The following CADPS variants were observed in gnomAD, a reference collection of about 807,000 sequenced individuals.
CADPS encodes calcium dependent secretion activator, also known as calcium-dependent secretion activator 1.
In CADPS, 57 loss-of-function variants were observed where a neutral mutation model predicts 167.3. The ratio of observed to expected loss-of-function variants is 0.34; its 90% CI spans 0.28 to 0.42. The LOEUF is 0.42. CADPS is among the 20% of genes least tolerant of loss of function. The probability of loss-of-function intolerance (pLI) is 1.00; values close to 1 mark genes in which losing one functional copy is unlikely to be tolerated. For missense variants in CADPS, 1,414 were observed against 1,738.1 expected (o/e 0.81, Z 3.32); for synonymous variants, 676 against 635.3 (o/e 1.06, Z -0.96).
chr3:62,733,541 C>A (rs487825), intron 3 of CADPS, among the ~76,000 whole-genome samples: 61,117 of 151,934 alleles, frequency 0.4, 12,779 homozygotes, highest in African/African-American at 0.49. Context: ...TACATTCAAA[C>A]TTCAAATTTA....
At chr3:62,618,763 T>A (rs2062723951) in intron 6 of CADPS, among the ~76,000 whole-genome samples, 1 of 152,204 alleles carries the variant, frequency 6.6e-6, no homozygotes. Context: ...CTCTCTTGAG[T>A]TCCATTCCTT....
intron 17 of CADPS, among the ~76,000 whole-genome samples, chr3:62,511,084 T>C (rs1425758003): frequency 6.6e-6 from 1 of 152,072 alleles, no homozygotes; most frequent in Non-Finnish European, 1.5e-5. Flanking sequence ...TAAACAGCCT[T>C]CAATGACTCT....
chr3:62,647,626 G>A (rs2068884869), intron 5 of CADPS, among the ~76,000 whole-genome samples: 1 of 152,212 alleles, frequency 6.6e-6, no homozygotes, highest in African/African-American at 2.4e-5. Context: ...CGTGGCTGTT[G>A]TGTGAGGATC....
intron 28 of CADPS, among the ~76,000 whole-genome samples, chr3:62,425,607 C>T (rs918141395): frequency 1.3e-5 from 2 of 152,146 alleles, no homozygotes; most frequent in African/African-American, 4.8e-5. Flanking sequence ...GACAAAATTA[C>T]ACGCATATAA....
intron 1 of CADPS, among the ~76,000 whole-genome samples, chr3:62,805,236 T>A (rs1017898825): frequency 2.6e-5 from 4 of 152,210 alleles, no homozygotes; most frequent in Non-Finnish European, 5.9e-5. Context: ...CTCACTGTTA[T>A]TGAGAATTCA....
chr3:62,549,533 T>C (rs1411153776), intron 11 of CADPS, among the ~76,000 whole-genome samples: 1 of 148,858 alleles, frequency 6.7e-6, no homozygotes, highest in African/African-American at 2.5e-5. Context: ...TGATTTCAAA[T>C]CAACCCTATT....
At chr3:62,669,272 C>G (rs2075081832) in intron 3 of CADPS, among the ~76,000 whole-genome samples, 1 of 152,210 alleles carries the variant, frequency 6.6e-6, no homozygotes, top group Non-Finnish European at 1.5e-5. Flanking sequence ...CCATAAAGCA[C>G]TCCCATCAGC....
At chr3:62,731,647 A>T (rs1034880188) in intron 3 of CADPS, among the ~76,000 whole-genome samples, 1 of 151,970 alleles carries the variant, frequency 6.6e-6, no homozygotes. Context: ...TAATTTTACA[A>T]AGCAAATAAA....
intron 10 of CADPS, among the ~76,000 whole-genome samples, chr3:62,554,313 C>CCAA (rs1017635987): frequency 6.6e-6 from 1 of 152,056 alleles, no homozygotes; most frequent in Non-Finnish European, 1.5e-5. Context: ...CGTCAAGGAC[C>CCAA]CAAACAGGTA....
At chr3:62,568,669 T>C (rs2080744098) in intron 9 of CADPS, among the ~76,000 whole-genome samples, 1 of 152,174 alleles carries the variant, frequency 6.6e-6, no homozygotes, top group South Asian at 2.1e-4. Flanking sequence ...AGACAGCCTA[T>C]TGTGTGGCTT....
At chr3:62,574,679 C>G (rs1052379573) in intron 8 of CADPS, among the ~76,000 whole-genome samples, 3 of 152,202 alleles carry the variant, frequency 2.0e-5, no homozygotes, top group Non-Finnish European at 4.4e-5. Flanking sequence ...AGAGTATAAT[C>G]TTCCAGTTCC....
At chr3:62,839,893 G>A (rs1268992550) in intron 1 of CADPS, among the ~76,000 whole-genome samples, 1 of 152,146 alleles carries the variant, frequency 6.6e-6, no homozygotes. Flanking sequence ...AAATAGAATT[G>A]CTGAGATCTC....
intron 3 of CADPS, among the ~76,000 whole-genome samples, chr3:62,678,062 G>C (rs2076596697): frequency 1.3e-5 from 2 of 152,046 alleles, no homozygotes; most frequent in Admixed American, 1.3e-4. Context: ...AGCTGCAATA[G>C]AGTGACTGGA....
chr3:62,497,482 G>A (rs1422192150), intron 18 of CADPS, among the ~76,000 whole-genome samples: 3 of 152,230 alleles, frequency 2.0e-5, no homozygotes, highest in South Asian at 2.1e-4. Context: ...TACCATCGCC[G>A]GAACCCCAGA....
chr3:62,746,061 A>T (rs2081377349), intron 3 of CADPS, among the ~76,000 whole-genome samples: 1 of 152,204 alleles, frequency 6.6e-6, no homozygotes, highest in Non-Finnish European at 1.5e-5. Context: ...GGTTACATTT[A>T]AAATGATACC....
chr3:62,842,855 T>C (rs553150914), intron 1 of CADPS, among the ~76,000 whole-genome samples: 3 of 152,340 alleles, frequency 2.0e-5, no homozygotes, highest in Admixed American at 6.5e-5. Context: ...TTTCATGATA[T>C]ATATGATTAA....
At chr3:62,780,518 G>C (rs1443743937) in intron 1 of CADPS, among the ~76,000 whole-genome samples, 1 of 152,142 alleles carries the variant, frequency 6.6e-6, no homozygotes, top group South Asian at 2.1e-4. Flanking sequence ...TGGAGAATGA[G>C]GTCCTCTCAT....
intron 1 of CADPS, among the ~76,000 whole-genome samples, chr3:62,786,130 T>C (rs147368885): frequency 0.07 from 10,580 of 152,058 alleles, 588 homozygotes; most frequent in East Asian, 0.23. Context: ...CAAGAATCGC[T>C]TGAACGTGGG....
At position 62,488,753 on chromosome 3, in the gene CADPS, G is replaced by A. The variant is rs558480996; in HGVS notation, c.3026+2586C>T. Among the ~76,000 whole-genome samples, 464 of 152,184 alleles carry A rather than the reference G, an allele frequency of 3.0e-3. 4 individuals are homozygous for A. The highest frequency in any genetic ancestry group is 0.011 in the African/African-American group (447 of 41,528). On this transcript the variant is annotated intron_variant, in intron 21 of 29. Transcript: ENST00000383710. ...GATCCTCTCGCCTTGGCCCCCCAAA[G>A]TGTTGGGATTACAAGTGTGAACAAC...
Sources: allele counts gnomAD v4.1 joint callset (sites outside exome capture counted in the v4.1 genomes callset), GRCh38; gene constraint gnomAD v4.1.1; transcripts MANE v1.5; gene names NCBI Gene and HGNC (gene_info 2026-07-23, HGNC 2026-07-21).